CYP19A1: variants seen among roughly 807,000 people sequenced by gnomAD.
The protein encoded by CYP19A1 is aromatase.
In CYP19A1, 32 loss-of-function variants were observed where a neutral mutation model predicts 44.4. The ratio of observed to expected loss-of-function variants is 0.72; its 90% confidence interval spans 0.54 to 0.97. The LOEUF (loss-of-function observed/expected upper bound fraction) is 0.97, where lower values mean the gene tolerates loss of function less well. Among genes scored for constraint, CYP19A1 ranks in the 50% least tolerant of loss-of-function variants. The pLI is 0.00. For missense variants in CYP19A1, 598 were observed against 637.8 expected (o/e 0.94, Z 0.67); for synonymous variants, 212 against 215.6 (o/e 0.98, Z 0.14).
intron 4 of CYP19A1, 107 bp from the exon 5 acceptor site, chr15:51,222,632 T>A: frequency 1.2e-6 from 1 of 856,304 alleles, no homozygotes; most frequent in Non-Finnish European, 1.9e-6. Flanking sequence ...CAATTTTTAA[T>A]TTAATAATTG....
At position 51,335,857 on chromosome 15, in the gene CYP19A1, C is replaced by A. The variant is rs2036767003; in HGVS notation, c.-39+2638G>T. On this transcript the variant is annotated intron_variant, in intron 1 of 9. Transcript: ENST00000396402. ...AGGTCCCACCCACAGAGTCTGGTCC[C>A]TGCCTTGGTTACAGCCTCATTTCAC... Among the ~76,000 whole-genome samples the A allele has an allele frequency of 4.6e-5, 7 of 152,344 alleles. No homozygotes were observed. In the South Asian group the frequency reaches 1.4e-3, roughly 32 times the overall value.
At chr15:51,218,436 A>G in intron 6 of CYP19A1, 105 bp downstream of exon 6, 6 of 1,492,400 alleles carry the variant, frequency 4.0e-6, no homozygotes, top group Non-Finnish European at 5.4e-6. Context: ...TGTGGGCTCT[A>G]GAGAGCAGAA....
chr15:51,218,758 A>C (rs1736659266), intron 5 of CYP19A1, 103 bp from the exon 6 acceptor site: 1 of 1,529,986 alleles, frequency 6.5e-7, no homozygotes, highest in African/African-American at 1.4e-5. Context: ...AGATTCTCCT[A>C]ACAGTCTGGG....
intron 1 of CYP19A1, among the ~76,000 whole-genome samples, chr15:51,295,773 G>A (rs1006302564): frequency 1.3e-5 from 2 of 152,194 alleles, no homozygotes; most frequent in Non-Finnish European, 2.9e-5. Flanking sequence ...GGTCCCTCGG[G>A]TCCAGTTCTG....
intron 1 of CYP19A1, among the ~76,000 whole-genome samples, chr15:51,287,693 C>A (rs1307605397): frequency 6.6e-6 from 1 of 152,180 alleles, no homozygotes; most frequent in African/African-American, 2.4e-5. Context: ...TCAGTTAAGA[C>A]CCCCAAAGTA....
chr15:51,288,178 C>T (rs2035752592), intron 1 of CYP19A1, among the ~76,000 whole-genome samples: 1 of 152,106 alleles, frequency 6.6e-6, no homozygotes, highest in African/African-American at 2.4e-5. Context: ...TGAATGAAAC[C>T]ACTTACCCTT....
intron 1 of CYP19A1, among the ~76,000 whole-genome samples, chr15:51,271,425 T>G (rs1388332015): frequency 6.6e-6 from 1 of 152,248 alleles, no homozygotes; most frequent in Non-Finnish European, 1.5e-5. Flanking sequence ...CCTGTCTTCC[T>G]GTACTCTCAG....
At chr15:51,280,116 T>TC (rs2035463098) in intron 1 of CYP19A1, 1 of 143,550 alleles carries the variant, frequency 7.0e-6, no homozygotes, top group South Asian at 2.3e-4. Flanking sequence ...AGCCTGCCCT[T>TC]CTTTTTTTTT....
At chr15:51,269,997 A>C (rs1412121240) in intron 1 of CYP19A1, among the ~76,000 whole-genome samples, 1 of 137,372 alleles carries the variant, frequency 7.3e-6, no homozygotes, top group South Asian at 2.3e-4. Flanking sequence ...ATTCTACCCC[A>C]AAAAGTCTGC....
chr15:51,272,679 C>G (rs1595744281), intron 1 of CYP19A1, among the ~76,000 whole-genome samples: 1 of 152,170 alleles, frequency 6.6e-6, no homozygotes, highest in Non-Finnish European at 1.5e-5. Flanking sequence ...TCCTCTACAG[C>G]AGGGTAGTTT....
chr15:51,304,621 A>G (rs2036177292), intron 1 of CYP19A1, among the ~76,000 whole-genome samples: 1 of 152,202 alleles, frequency 6.6e-6, no homozygotes, highest in Non-Finnish European at 1.5e-5. Context: ...TGTTTGTTTC[A>G]ATGAAAGAAA....
At chr15:51,228,172 C>T (rs2141080371) in intron 3 of CYP19A1, among the ~76,000 whole-genome samples, 1 of 152,308 alleles carries the variant, frequency 6.6e-6, no homozygotes, top group Non-Finnish European at 1.5e-5. Flanking sequence ...AAAACACACA[C>T]ACACACCCAT....
chr15:51,314,416 C>T (rs2036382073), intron 1 of CYP19A1, among the ~76,000 whole-genome samples: 1 of 152,088 alleles, frequency 6.6e-6, no homozygotes, highest in Non-Finnish European at 1.5e-5. Context: ...GTCCACAGAC[C>T]CCCTGAGGTT....
chr15:51,288,077 C>G (rs1386823305), intron 1 of CYP19A1, among the ~76,000 whole-genome samples: 2 of 152,160 alleles, frequency 1.3e-5, no homozygotes, highest in Non-Finnish European at 2.9e-5. Context: ...AATCACAAAC[C>G]TCTCAAGAGT....
chr15:51,225,375 G>T (rs2032484367), intron 4 of CYP19A1, among the ~76,000 whole-genome samples: 1 of 152,168 alleles, frequency 6.6e-6, no homozygotes, highest in South Asian at 2.1e-4. Context: ...TGAGCCAAAT[G>T]AAAAAGTCAA....
intron 1 of CYP19A1, among the ~76,000 whole-genome samples, chr15:51,331,124 T>G (rs1046282924): frequency 3.9e-5 from 6 of 152,068 alleles, no homozygotes; most frequent in Non-Finnish European, 5.9e-5. Flanking sequence ...GGTGGTAGGA[T>G]GAGAGCAAGG....
intron 3 of CYP19A1, among the ~76,000 whole-genome samples, chr15:51,234,638 T>C (rs1018758388): frequency 3.0e-4 from 45 of 152,222 alleles, no homozygotes; most frequent in African/African-American, 9.9e-4. Context: ...TCCACCACCT[T>C]AGCATAAGAC....
chr15:51,212,391 T>C lies in CYP19A1; in HGVS notation c.1192A>G (p.Ile398Val). ...VKKGTNIILN[I>V]GRMHRLEFFP... Reference sequence around the variant, plus strand: ...AACTCGAGTCTGTGCATCCTTCCAATATTCAGGATAATGTTTGTCCCCTTT... The same window carrying C: ...AACTCGAGTCTGTGCATCCTTCCAACATTCAGGATAATGTTTGTCCCCTTT... The change falls in exon 9 of 10, where the codon ATT (isoleucine) becomes GTT (valine). Residue 398 changes from isoleucine (I) to valine (V), a missense_variant. Ile to Val is a conservative substitution (Grantham distance 29, BLOSUM62 3). Coordinates refer to ENST00000396402, the MANE Select transcript of CYP19A1 (RefSeq NM_000103.4). 2 of 1,592,424 alleles carry C rather than the reference T, an allele frequency of 1.3e-6. No individual in the cohort carries two copies. The highest frequency in any genetic ancestry group is 8.6e-7 in the Non-Finnish European group (1 of 1,160,050).
intron 4 of CYP19A1, among the ~76,000 whole-genome samples, chr15:51,224,907 T>C (rs1308228411): frequency 6.6e-6 from 1 of 152,236 alleles, no homozygotes; most frequent in East Asian, 1.9e-4. Context: ...TCTATTTGTC[T>C]GTGCCTTTGG....
Sources: allele counts gnomAD v4.1 joint callset (sites outside exome capture counted in the v4.1 genomes callset), GRCh38; gene constraint gnomAD v4.1.1; transcripts MANE v1.5; gene names NCBI Gene and HGNC (gene_info 2026-07-23, HGNC 2026-07-21).